Variants in FAM163B observed in about 807,000 individuals in gnomAD.
The protein encoded by FAM163B is protein FAM163B.
Under a neutral mutation model 7.6 loss-of-function variants are expected in FAM163B, and 4 were observed. The observed-to-expected ratio is 0.52, with a 90% CI of 0.26 to 1.20. The LOEUF (loss-of-function observed/expected upper bound fraction) is 1.20. FAM163B is among the 50% of genes most tolerant of loss of function. The pLI is 0.14. For synonymous variants in FAM163B, 120 were observed against 111.6 expected (o/e 1.07, Z -0.47); for missense variants, 250 against 243.0 (o/e 1.03, Z -0.19).
intron 1 of FAM163B, among the ~76,000 whole-genome samples, chr9:133,589,623 A>AGC (rs34872367): frequency 0.078 from 11,592 of 148,188 alleles, 752 homozygotes; most frequent in African/African-American, 0.19. Context: ...GGGGCGACAC[A>AGC]GCGCGCACAC....
chr9:133,595,722 A>AT (rs1831622485), intron 1 of FAM163B, among the ~76,000 whole-genome samples: 1 of 152,102 alleles, frequency 6.6e-6, no homozygotes, highest in African/African-American at 2.4e-5. Flanking sequence ...TCCAGGCCAC[A>AT]TATCAAAAAT....
rs191622115 is a variant in FAM163B, at chr9:133,598,877, T to A, written c.-24+10200A>T. ...GGTTCATGTGCCTGTCCCCCAGGGC[T>A]CCTTTCAGTGGCCCCTCTCAGGCTG... On this transcript the variant is annotated intron_variant, in intron 1 of 2. Coordinates refer to ENST00000673969, the MANE Select transcript of FAM163B (RefSeq NM_001080515.3). Among the ~76,000 whole-genome samples, 159 of 152,206 alleles carry A rather than the reference T, an allele frequency of 1.0e-3. 2 individuals carry two copies. Among genetic ancestry groups the A allele is most frequent in the African/African-American group, 3.6e-3 (150 of 41,522 alleles).
At chr9:133,589,873 C>G (rs1226653258) in intron 1 of FAM163B, among the ~76,000 whole-genome samples, 3 of 151,230 alleles carry the variant, frequency 2.0e-5, no homozygotes, top group African/African-American at 7.3e-5. Context: ...TGCAGTTTCC[C>G]GATCTCCCAG....
At chr9:133,580,394 G>T in intron 1 of FAM163B, 148 bp from the exon 2 acceptor site, 2 of 658,186 alleles carry the variant, frequency 3.0e-6, no homozygotes, top group South Asian at 1.8e-5. Context: ...CCGGGGACGG[G>T]GTGCAGCAGG....
In FAM163B at chr9:133,578,184, A is replaced by C. The variant is rs1831282173; in HGVS notation, c.*838T>G. 7.1e-6 allele frequency among the ~76,000 whole-genome samples: 1 copy of C among 140,850 alleles called. No homozygotes were observed. The highest frequency in any genetic ancestry group is 1.6e-5 in the Non-Finnish European group (1 of 63,768). 92.4% of individuals were successfully genotyped at this position (140,850 alleles called of 152,430 possible). On this transcript the variant is annotated 3_prime_UTR_variant, in exon 3 of 3. Transcript: ENST00000673969. ...CCCCTGGGCCATGGCTCTGCCCCTGACGAGCCCCGGGCTGCCTCCGTTCAC... is the reference window on the plus strand; with the variant it reads ...CCCCTGGGCCATGGCTCTGCCCCTGCCGAGCCCCGGGCTGCCTCCGTTCAC...
At chr9:133,603,720 G>A (rs1831757239) in intron 1 of FAM163B, among the ~76,000 whole-genome samples, 1 of 152,188 alleles carries the variant, frequency 6.6e-6, no homozygotes, top group Non-Finnish European at 1.5e-5. Context: ...ACCACCTCCA[G>A]GAAGCCTTCC....
chr9:133,593,422 C>T (rs1206207102), intron 1 of FAM163B, among the ~76,000 whole-genome samples: 7 of 151,990 alleles, frequency 4.6e-5, no homozygotes, highest in Non-Finnish European at 7.4e-5. Flanking sequence ...GCCACCTCCA[C>T]TGGCCCCTCT....
Position 133,577,382 on chromosome 9 carries a change from G to A in FAM163B, c.*1640C>T, listed in dbSNP as rs1027174351. On this transcript the variant is annotated 3_prime_UTR_variant, in exon 3 of 3. Transcript: ENST00000673969. Reference sequence around the variant, plus strand: ...GGCCCGGGGGGCCGGGGCTGCGAGGGACCTCAAGGGCGAATGCCACTGGCC... The same window carrying A: ...GGCCCGGGGGGCCGGGGCTGCGAGGAACCTCAAGGGCGAATGCCACTGGCC... Among the ~76,000 whole-genome samples, 14 of 152,136 alleles carry A rather than the reference G, an allele frequency of 9.2e-5. No individual in the cohort carries two copies. The highest frequency in any genetic ancestry group is 3.4e-4 in the African/African-American group (14 of 41,426).
At chr9:133,594,606 G>A (rs968269985) in intron 1 of FAM163B, among the ~76,000 whole-genome samples, 1 of 152,172 alleles carries the variant, frequency 6.6e-6, no homozygotes, top group African/African-American at 2.4e-5. Flanking sequence ...TAATAATTCA[G>A]CAGCAAATAT....
intron 1 of FAM163B, among the ~76,000 whole-genome samples, chr9:133,599,767 TG>T (rs1831687339): frequency 1.3e-5 from 2 of 151,246 alleles, no homozygotes; most frequent in Non-Finnish European, 3.0e-5. Flanking sequence ...TGTACAAGTG[TG>T]TTTTTGTCTG....
intron 1 of FAM163B, among the ~76,000 whole-genome samples, chr9:133,582,739 C>T (rs1237942652): frequency 6.6e-6 from 1 of 152,214 alleles, no homozygotes; most frequent in Non-Finnish European, 1.5e-5. Flanking sequence ...GCTGGGCCAG[C>T]CGGCCTCTCT....
At chr9:133,598,133 G>A (rs1016481033) in intron 1 of FAM163B, among the ~76,000 whole-genome samples, 2 of 152,150 alleles carry the variant, frequency 1.3e-5, no homozygotes, top group African/African-American at 2.4e-5. Context: ...ACCCAGCTTC[G>A]AGGCCTCCCT....
chr9:133,594,258 C>A (rs1353689688), intron 1 of FAM163B, among the ~76,000 whole-genome samples: 2 of 152,198 alleles, frequency 1.3e-5, no homozygotes, highest in Non-Finnish European at 2.9e-5. Flanking sequence ...TGATCTAGGT[C>A]CCGAACATCT....
intron 1 of FAM163B, among the ~76,000 whole-genome samples, chr9:133,583,137 C>G (rs1392552760): frequency 6.6e-6 from 1 of 152,146 alleles, no homozygotes; most frequent in Non-Finnish European, 1.5e-5. Flanking sequence ...GGCTCGTGCC[C>G]GAGTGTTGTC....
chr9:133,586,770 T>A (rs994866029), intron 1 of FAM163B, among the ~76,000 whole-genome samples: 2 of 151,840 alleles, frequency 1.3e-5, no homozygotes, highest in Non-Finnish European at 1.5e-5. Context: ...AGGGGTGGGG[T>A]GTGATGGGGA....
At position 133,578,082 on chromosome 9, in the gene FAM163B, T is replaced by G. The variant is rs1166281963; in HGVS notation, c.*940A>C. ...CCTCTGTCCTCAGGGTCTCTCCTCA[T>G]CACACAAGATGGGGAGACTGAGGCC... On this transcript the variant is annotated 3_prime_UTR_variant, in exon 3 of 3. Transcript: ENST00000673969. Among the ~76,000 whole-genome samples, 1 of 152,038 alleles carries G rather than the reference T, an allele frequency of 6.6e-6. No homozygotes were observed. Among genetic ancestry groups the G allele is most frequent in the Non-Finnish European group, 1.5e-5 (1 of 67,998 alleles).
At chr9:133,587,321 G>A (rs1831454160) in intron 1 of FAM163B, among the ~76,000 whole-genome samples, 2 of 152,208 alleles carry the variant, frequency 1.3e-5, no homozygotes, top group Admixed American at 1.3e-4. Flanking sequence ...GAGAGGAGCT[G>A]GAGCCAACGC....
rs181065984 is a variant in FAM163B, at chr9:133,600,435, G to A, written c.-24+8642C>T. 1.3e-5 allele frequency among the ~76,000 whole-genome samples: 2 copies of A among 152,308 alleles called. No individual in the cohort carries two copies. Among genetic ancestry groups the A allele is most frequent in the South Asian group, 2.1e-4 (1 of 4,832 alleles). ...CACAGTACCCCTGTTTCCCTGTGGT[G>A]CCACCCACTCTCAGTTTAGTGGAGC... On this transcript the variant is annotated intron_variant, in intron 1 of 2. Transcript: ENST00000673969. The surrounding 1 kb of genome is among the most constrained non-coding windows in gnomAD (Gnocchi z 4.9).
At chr9:133,597,002 C>T (rs7848286) in intron 1 of FAM163B, among the ~76,000 whole-genome samples, 87,332 of 152,030 alleles carry the variant, frequency 0.57, 26,108 homozygotes, top group African/African-American at 0.74. Context: ...AACTATTTCC[C>T]AATAACTGAG....
Sources: gnomAD v4.1 joint callset for allele counts (sites outside exome capture counted in the v4.1 genomes callset) on GRCh38, gnomAD v4.1.1 for gene constraint, Gnocchi (gnomAD v3.1) non-coding constraint, MANE v1.5 for transcripts, NCBI Gene and HGNC (gene_info 2026-07-23, HGNC 2026-07-21) for gene names.